The following ARHGAP26 variants were observed in gnomAD, a reference collection of about 807,000 sequenced individuals.
ARHGAP26 encodes the protein rho GTPase-activating protein 26.
In ARHGAP26, 38 loss-of-function variants were observed where a neutral mutation model predicts 104.8. The observed-to-expected ratio is 0.36, with a 90% CI of 0.28 to 0.48. The LOEUF (loss-of-function observed/expected upper bound fraction) is 0.48. Among genes scored for constraint, ARHGAP26 ranks in the 20% least tolerant of loss-of-function variants. ARHGAP26 has a pLI of 0.99. For missense variants in ARHGAP26, 704 were observed against 947.9 expected (o/e 0.74, Z 3.38); for synonymous variants, 341 against 340.0 (o/e 1.00, Z -0.03).
intron 11 of ARHGAP26, among the ~76,000 whole-genome samples, chr5:142,945,158 C>G (rs926857675): frequency 6.6e-6 from 1 of 152,148 alleles, no homozygotes; most frequent in Non-Finnish European, 1.5e-5. Context: ...GTACCCCATC[C>G]CATCTCAAGG....
chr5:143,044,572 G>A (rs1783952729), intron 14 of ARHGAP26, among the ~76,000 whole-genome samples: 1 of 150,582 alleles, frequency 6.6e-6, no homozygotes, highest in South Asian at 2.1e-4. Context: ...GTTGGGGGAT[G>A]TGGGGGATGG....
At chr5:142,888,949 G>A (rs1254478518) in intron 5 of ARHGAP26, among the ~76,000 whole-genome samples, 4 of 152,314 alleles carry the variant, frequency 2.6e-5, no homozygotes, top group East Asian at 3.9e-4. Context: ...TGGCAGGCAG[G>A]GAAACTGTCT....
At position 143,228,459 on chromosome 5, in the gene ARHGAP26, C is replaced by A; in HGVS notation, c.*6013C>A. 1 of 219,534 alleles carries A rather than the reference C, an allele frequency of 4.6e-6. No individual in the cohort carries two copies. The highest frequency in any genetic ancestry group is 9.1e-6 in the Non-Finnish European group (1 of 109,320). The allele number at this position is 219,534 out of a possible 1,614,324, so 13.6% of individuals were successfully genotyped here. A position where few individuals can be genotyped will look rare whatever the true frequency, so the allele number is the denominator to read the frequency against. ...ACTGTTCATATTTATCAAACAATTA[C>A]TGTCTACAGCTACATTTTTTGTTAA... On this transcript the variant is annotated 3_prime_UTR_variant, in exon 23 of 23. Transcript: ENST00000645722.
chr5:143,214,164 C>G, intron 22 of ARHGAP26, 76 bp downstream of exon 22: 2 of 893,000 alleles, frequency 2.2e-6, no homozygotes, highest in Non-Finnish European at 3.5e-6. Context: ...CTGGCATTTT[C>G]AAAGCTCCTC....
At chr5:142,784,990 G>A (rs373962462) in intron 1 of ARHGAP26, among the ~76,000 whole-genome samples, 2 of 146,704 alleles carry the variant, frequency 1.4e-5, no homozygotes, top group Non-Finnish European at 3.0e-5. Context: ...GCAGTGGCGC[G>A]ATCTCGGCTC....
chr5:142,771,200 G>A, intron 1 of ARHGAP26: 2 of 1,281,672 alleles, frequency 1.6e-6, no homozygotes, highest in Non-Finnish European at 2.0e-6. Context: ...GGCGTGCGCG[G>A]CACGCAGGTG....
chr5:143,003,013 T>G (rs907862276), intron 11 of ARHGAP26, among the ~76,000 whole-genome samples: 4 of 152,212 alleles, frequency 2.6e-5, no homozygotes, highest in African/African-American at 9.6e-5. Flanking sequence ...TGAATTTTTC[T>G]TAAGGTCAAA....
intron 20 of ARHGAP26, among the ~76,000 whole-genome samples, chr5:143,176,345 A>G (rs530410068): frequency 1.3e-5 from 2 of 152,166 alleles, no homozygotes; most frequent in Non-Finnish European, 2.9e-5. Flanking sequence ...CACTTCTTAG[A>G]TGGTAGGAAT....
chr5:142,922,472 T>G (rs1398903419), intron 10 of ARHGAP26, among the ~76,000 whole-genome samples: 1 of 151,912 alleles, frequency 6.6e-6, no homozygotes, highest in Non-Finnish European at 1.5e-5. Flanking sequence ...ATCATGAGAG[T>G]ATTATTCCTT....
At chr5:143,022,336 G>T (rs982838589) in intron 12 of ARHGAP26, among the ~76,000 whole-genome samples, 1 of 152,224 alleles carries the variant, frequency 6.6e-6, no homozygotes, top group African/African-American at 2.4e-5. Flanking sequence ...GCCTCCCAAA[G>T]TGTTGGGATT....
intron 11 of ARHGAP26, among the ~76,000 whole-genome samples, chr5:142,945,622 T>TTG (rs202085441): frequency 2.0e-5 from 3 of 152,130 alleles, no homozygotes; most frequent in Non-Finnish European, 4.4e-5. Flanking sequence ...AGAGGCTTGG[T>TTG]TGTGTGTGTG....
intron 10 of ARHGAP26, 77 bp from the exon 11 acceptor site, chr5:142,931,970 G>T: frequency 7.5e-7 from 1 of 1,337,084 alleles, no homozygotes. Context: ...CTTTTGAGTG[G>T]ATGTTTAAGA....
chr5:142,900,092 T>C (rs1407452130), intron 6 of ARHGAP26, among the ~76,000 whole-genome samples: 1 of 152,192 alleles, frequency 6.6e-6, no homozygotes, highest in Admixed American at 6.5e-5. Flanking sequence ...CATTTGCAGA[T>C]AGCAGGGAGA....
chr5:142,977,282 C>T (rs987954865), intron 11 of ARHGAP26, among the ~76,000 whole-genome samples: 1 of 152,188 alleles, frequency 6.6e-6, no homozygotes, highest in Non-Finnish European at 1.5e-5. Flanking sequence ...AGTAACACCT[C>T]AACCCGCGGT....
At chr5:142,771,049 G>A in intron 1 of ARHGAP26, 134 bp downstream of exon 1, 3 of 1,398,600 alleles carry the variant, frequency 2.1e-6, no homozygotes, top group South Asian at 3.2e-5. Flanking sequence ...CGACGCCTCC[G>A]AGGCAGGAAG....
At position 143,087,636 on chromosome 5, in the gene ARHGAP26, C is replaced by CTTTTTTTTTTTTTT. The variant is rs35201189; in HGVS notation, c.1538+29902_1538+29915dup. Among the ~76,000 whole-genome samples the CTTTTTTTTTTTTTT allele has an allele frequency of 3.7e-3, 192 of 51,564 alleles. 64 individuals are homozygous for CTTTTTTTTTTTTTT. Among genetic ancestry groups the CTTTTTTTTTTTTTT allele is most frequent in the East Asian group, 0.019 (22 of 1,166 alleles). 33.8% of individuals were successfully genotyped at this position (51,564 alleles called of 152,430 possible). A position where few individuals can be genotyped will look rare whatever the true frequency, so the allele number is the denominator to read the frequency against. ...CTCATCTAATTAACCCTGGCCCATT[C>CTTTTTTTTTTTTTT]TTTTTTTTTTTTTTTTTTTTTTTTT... is the stretch of plus-strand genomic sequence containing the variant. On this transcript the variant is annotated intron_variant, in intron 17 of 22. Coordinates refer to ENST00000645722, the MANE Select transcript of ARHGAP26 (RefSeq NM_001135608.3).
At chr5:143,075,044 G>T (rs917575652) in intron 17 of ARHGAP26, among the ~76,000 whole-genome samples, 1 of 152,170 alleles carries the variant, frequency 6.6e-6, no homozygotes, top group Non-Finnish European at 1.5e-5. Flanking sequence ...AGAGAAGTGG[G>T]TTATCATTAG....
chr5:143,031,805 C>T (rs1056230430), intron 12 of ARHGAP26, among the ~76,000 whole-genome samples: 1 of 152,116 alleles, frequency 6.6e-6, no homozygotes, highest in Admixed American at 6.5e-5. Context: ...ACTGCAGTCT[C>T]TGCCTCTTGG....
chr5:142,972,151 C>T (rs1487534100), intron 11 of ARHGAP26, among the ~76,000 whole-genome samples: 1 of 151,118 alleles, frequency 6.6e-6, no homozygotes, highest in Non-Finnish European at 1.5e-5. Context: ...CACTGCACTC[C>T]ATCCTGGCTG....
Sources: allele counts gnomAD v4.1 joint callset (sites outside exome capture counted in the v4.1 genomes callset), GRCh38; gene constraint gnomAD v4.1.1; transcripts MANE v1.5; gene names NCBI Gene and HGNC (gene_info 2026-07-23, HGNC 2026-07-21).